The following RIC8B variants were observed in gnomAD, a reference collection of about 807,000 sequenced individuals.
RIC8B encodes the protein chaperone Ric-8B.
Under a neutral mutation model 57.5 loss-of-function variants are expected in RIC8B, and 16 were observed. The observed-to-expected ratio is 0.28, with a 90% CI of 0.19 to 0.42. The LOEUF (loss-of-function observed/expected upper bound fraction) is 0.42. Ranked by LOEUF, RIC8B falls within the 10% of genes least tolerant of loss-of-function variation. RIC8B has a pLI of 1.00. For synonymous variants in RIC8B, 216 were observed against 250.8 expected (o/e 0.86, Z 1.31); for missense variants, 481 against 677.0 (o/e 0.71, Z 3.21).
rs375444524 is a variant in RIC8B at position 106,823,684 on chromosome 12, AT to A, written c.742-2025del. Among the ~76,000 whole-genome samples, 617 of 142,912 alleles carry A rather than the reference AT, an allele frequency of 4.3e-3. 2 individuals carry two copies. Among genetic ancestry groups the A allele is most frequent in the East Asian group, 0.017 (86 of 4,964 alleles). The allele number at this position is 142,912 out of a possible 152,430, so 93.8% of individuals were successfully genotyped here. A position where few individuals can be genotyped will look rare whatever the true frequency, so the allele number is the denominator to read the frequency against. ...ACATAGGTATTTAACATATGAGATA[AT>A]TTTTTTTTTTTTTTTTGAGACGGAG... is the stretch of plus-strand genomic sequence containing the variant. On this transcript the variant is annotated intron_variant, in intron 3 of 9. Transcript: ENST00000392837.
At position 106,825,714 on chromosome 12, in the gene RIC8B, T is replaced by C; in HGVS notation, c.742-12T>C. The stretch of plus-strand genomic sequence containing the variant: ...AACCCCCAATGTTTCCTCTCTTTTT[T>C]ATTTGCCATAGAGTGATTCTCATCA... On this transcript the variant is annotated splice_polypyrimidine_tract_variant and intron_variant, in intron 3 of 9. Coordinates refer to ENST00000392837, the MANE Select transcript of RIC8B (RefSeq NM_001330145.2). The C allele has an allele frequency of 6.2e-7, 1 of 1,607,260 alleles. No individual in the cohort carries two copies. Among genetic ancestry groups the C allele is most frequent in the Non-Finnish European group, 8.5e-7 (1 of 1,173,880 alleles).
At position 106,814,687 on chromosome 12, in the gene RIC8B, G is replaced by A; in HGVS notation, c.133-9G>A. ...TAATGATTTTTGCATACTCGTTCTT[G>A]TTTTTCAGAAACTCTGTGAAGGCAT... On this transcript the variant is annotated splice_polypyrimidine_tract_variant and intron_variant, in intron 2 of 9. Transcript: ENST00000392837. 1.9e-6 allele frequency: 3 copies of A among 1,570,560 alleles called. No individual in the cohort carries two copies. The highest frequency in any genetic ancestry group is 2.6e-6 in the Non-Finnish European group (3 of 1,160,962).
intron 2 of RIC8B, among the ~76,000 whole-genome samples, chr12:106,806,778 A>G (rs2045052487): frequency 6.6e-6 from 1 of 152,138 alleles, no homozygotes; most frequent in South Asian, 2.1e-4. Flanking sequence ...TGCACGCGCC[A>G]AGATCATGCC....
chr12:106,793,176 A>G (rs537598448), intron 2 of RIC8B, among the ~76,000 whole-genome samples: 1 of 152,294 alleles, frequency 6.6e-6, no homozygotes, highest in East Asian at 1.9e-4. Context: ...ACCCCAGGAA[A>G]AGCAAACCAA....
Position 106,851,315 on chromosome 12 carries a change from C to CTTT in RIC8B, c.1162-116_1162-114dup, listed in dbSNP as rs34606963. 9.9e-3 allele frequency: 2,107 copies of CTTT among 211,922 alleles called. 121 individuals carry two copies. The highest frequency in any genetic ancestry group is 0.059 in the African/African-American group (1,394 of 23,532). The allele number at this position is 211,922 out of a possible 1,614,324, so 13.1% of individuals were successfully genotyped here. ...TGTTTAGTTTTACTTGGAAGCTAACCTTTTTTTTTTTTTTTTTTTTTGCTC... is the reference window on the plus strand; with the variant it reads ...TGTTTAGTTTTACTTGGAAGCTAACCTTTTTTTTTTTTTTTTTTTTTTTTGCTC... On this transcript the variant is annotated intron_variant, in intron 6 of 9. Transcript: ENST00000392837.
At chr12:106,792,750 G>C (rs751763707) in intron 2 of RIC8B, among the ~76,000 whole-genome samples, 34 of 152,174 alleles carry the variant, frequency 2.2e-4, no homozygotes, top group Non-Finnish European at 3.5e-4. Context: ...ACTGTGGTGA[G>C]CTATGATCAC....
chr12:106,828,318 G>A (rs1055253189), intron 4 of RIC8B, among the ~76,000 whole-genome samples: 7 of 152,106 alleles, frequency 4.6e-5, no homozygotes, highest in African/African-American at 1.7e-4. Flanking sequence ...AATGACTCCA[G>A]GCTAATCCAT....
chr12:106,868,541 A>G, intron 8 of RIC8B: 1 of 289,562 alleles, frequency 3.5e-6, no homozygotes, highest in Non-Finnish European at 6.9e-6. Flanking sequence ...CTGAGCAAAT[A>G]ATGGATGGGT....
rs1167311024 is a variant in RIC8B, at chr12:106,835,923, T to G, written c.837-6666T>G. Among the ~76,000 whole-genome samples the G allele has an allele frequency of 8.5e-5, 13 of 152,202 alleles. 1 individual carries two copies. The highest frequency in any genetic ancestry group is 1.9e-4 in the Non-Finnish European group (13 of 68,034). ...GCTTCCCCACCTGTTGCTGCTGTAG[T>G]CATCTCTTGTTCTTTGTAGCAAAAC... On this transcript the variant is annotated intron_variant, in intron 4 of 9. Coordinates refer to ENST00000392837, the MANE Select transcript of RIC8B (RefSeq NM_001330145.2).
At chr12:106,820,915 C>G (rs1461792660) in intron 3 of RIC8B, among the ~76,000 whole-genome samples, 1 of 152,178 alleles carries the variant, frequency 6.6e-6, no homozygotes, top group African/African-American at 2.4e-5. Flanking sequence ...CTATCACAAC[C>G]AAGCCTGCTT....
chr12:106,816,192 G>C (rs1432587567), intron 3 of RIC8B, among the ~76,000 whole-genome samples: 2 of 152,066 alleles, frequency 1.3e-5, no homozygotes, highest in Non-Finnish European at 2.9e-5. Context: ...TTTGGTTCCA[G>C]AGCAAATTGT....
intron 2 of RIC8B, among the ~76,000 whole-genome samples, chr12:106,798,731 A>T (rs933489345): frequency 6.6e-6 from 1 of 152,028 alleles, no homozygotes; most frequent in Admixed American, 6.6e-5. Context: ...CCGTCATTTG[A>T]CTTAGCTTTC....
chr12:106,858,423 T>C (rs987789859), intron 7 of RIC8B, among the ~76,000 whole-genome samples: 2 of 152,160 alleles, frequency 1.3e-5, no homozygotes, highest in African/African-American at 4.8e-5. Context: ...AGTCGCTTTG[T>C]GTCTGACCAT....
At chr12:106,847,651 A>G (rs946224831) in intron 6 of RIC8B, among the ~76,000 whole-genome samples, 3 of 152,174 alleles carry the variant, frequency 2.0e-5, no homozygotes, top group African/African-American at 7.2e-5. Context: ...CTCCTGATAC[A>G]TGGTGGATAC....
intron 3 of RIC8B, among the ~76,000 whole-genome samples, chr12:106,821,321 G>A (rs2045831717): frequency 6.6e-6 from 1 of 152,206 alleles, no homozygotes; most frequent in Non-Finnish European, 1.5e-5. Flanking sequence ...TAATGGAATA[G>A]AATAAATAGA....
chr12:106,817,109 T>C (rs1477606824), intron 3 of RIC8B, among the ~76,000 whole-genome samples: 1 of 152,208 alleles, frequency 6.6e-6, no homozygotes, highest in African/African-American at 2.4e-5. Flanking sequence ...AGTCAACTTT[T>C]AGCAAACATT....
intron 4 of RIC8B, among the ~76,000 whole-genome samples, chr12:106,839,723 G>C (rs1566116051): frequency 6.6e-6 from 1 of 152,178 alleles, no homozygotes; most frequent in Non-Finnish European, 1.5e-5. Flanking sequence ...ACTTTTCAAA[G>C]ATTTTGAGGG....
At chr12:106,853,655 G>A (rs748160146) in intron 7 of RIC8B, among the ~76,000 whole-genome samples, 1 of 151,426 alleles carries the variant, frequency 6.6e-6, no homozygotes, top group Non-Finnish European at 1.5e-5. Context: ...TTTTAGTAGA[G>A]ATGGGGTTTC....
chr12:106,883,807 A>G (rs1359910708), intron 9 of RIC8B, among the ~76,000 whole-genome samples: 1 of 152,094 alleles, frequency 6.6e-6, no homozygotes. Context: ...AACGTAATCA[A>G]ACACTCTTTA....
Sources: gnomAD v4.1 joint callset for allele counts (sites outside exome capture counted in the v4.1 genomes callset) on GRCh38, gnomAD v4.1.1 for gene constraint, MANE v1.5 for transcripts, NCBI Gene and HGNC (gene_info 2026-07-23, HGNC 2026-07-21) for gene names.